The following SORCS1 variants were observed in gnomAD, a reference collection of about 807,000 sequenced individuals.
SORCS1 encodes the protein VPS10 domain-containing receptor SorCS1.
In SORCS1, 60 loss-of-function variants were observed where a neutral mutation model predicts 146.1. The ratio of observed to expected loss-of-function variants is 0.41; its 90% CI spans 0.33 to 0.51. The LOEUF (loss-of-function observed/expected upper bound fraction) is 0.51. Among genes scored for constraint, SORCS1 ranks in the 20% least tolerant of loss-of-function variants. The probability of loss-of-function intolerance (pLI) is 0.21; values close to 1 mark genes in which losing one functional copy is unlikely to be tolerated. For synonymous variants in SORCS1, 637 were observed against 584.0 expected, an observed-to-expected ratio of 1.09 and a Z score of -1.31; for missense variants, 1,352 against 1,487.6, an observed-to-expected ratio of 0.91 and a Z score of 1.50.
At chr10:106,679,218 C>T (rs1222783397) in intron 12 of SORCS1, 38 bp downstream of exon 12, 9 of 1,559,356 alleles carry the variant, frequency 5.8e-6, no homozygotes, top group Non-Finnish European at 7.0e-6. Flanking sequence ...TTTTATGTTA[C>T]TTAAACTTCA....
intron 18 of SORCS1, among the ~76,000 whole-genome samples, chr10:106,640,296 CG>C (rs1848991435): frequency 6.6e-6 from 1 of 152,122 alleles, no homozygotes; most frequent in Non-Finnish European, 1.5e-5. Flanking sequence ...TGTGAAATTA[CG>C]GATCATTGAA....
Position 107,013,134 on chromosome 10 carries a change from TAAAC to T in SORCS1, c.559-56558_559-56555del, listed in dbSNP as rs1238160945. Among the ~76,000 whole-genome samples the T allele has an allele frequency of 2.0e-5, 3 of 152,090 alleles. No individual in the cohort carries two copies. In the East Asian group the frequency reaches 5.8e-4, roughly 29 times the overall value. On this transcript the variant is annotated intron_variant, in intron 1 of 25. Transcript: ENST00000263054. ...TGGTAGCTAATTAATGTTGAATAAA[TAAAC>T]AAATAGAAAGTCTGAACACTGCCCC...
chr10:106,808,176 G>A (rs529947646), intron 3 of SORCS1, among the ~76,000 whole-genome samples: 81 of 152,096 alleles, frequency 5.3e-4, no homozygotes, highest in African/African-American at 1.9e-3. Context: ...GCAGCACCAC[G>A]CCCAGCTAAT....
chr10:106,702,556 T>TA (rs1347088037), intron 8 of SORCS1, among the ~76,000 whole-genome samples: 1 of 152,228 alleles, frequency 6.6e-6, no homozygotes, highest in African/African-American at 2.4e-5. Flanking sequence ...CTAGGTCACT[T>TA]AGAGAACTAA....
chr10:106,652,448 G>A lies in SORCS1; in HGVS notation c.2409C>T (p.Val803=). 6.2e-7 allele frequency: 1 copy of A among 1,614,116 alleles called. No individual in the cohort carries two copies. Among genetic ancestry groups the A allele is most frequent in the Non-Finnish European group, 8.5e-7 (1 of 1,179,998 alleles). ...CCGCTGTCAGCTTTCCATCAGCCGT[G>A]ACTATCCGCAGCCCCCGCGGGGCTT... is the stretch of plus-strand genomic sequence containing the variant. ...PGKAPRGLRI[V]TADGKLTAEQ... The change falls in exon 18 of 26, where the codon GTC becomes GTT. Residue 803 remains valine, a synonymous_variant. Transcript: ENST00000263054.
intron 1 of SORCS1, among the ~76,000 whole-genome samples, chr10:107,140,856 T>C (rs771985271): frequency 3.9e-5 from 6 of 152,206 alleles, no homozygotes; most frequent in African/African-American, 1.4e-4. Flanking sequence ...TTTCATTTTA[T>C]GAATGATGAA....
chr10:106,997,277 ACT>A (rs1042016721), intron 1 of SORCS1, among the ~76,000 whole-genome samples: 4 of 151,864 alleles, frequency 2.6e-5, no homozygotes, highest in African/African-American at 7.3e-5. Context: ...CCTGAGCCAC[ACT>A]CTGTGTGCCT....
chr10:106,610,885 C>T (rs1846935667), intron 22 of SORCS1, among the ~76,000 whole-genome samples: 1 of 152,110 alleles, frequency 6.6e-6, no homozygotes, highest in East Asian at 1.9e-4. Flanking sequence ...TCGAGACCAG[C>T]CTGGCCAACA....
At chr10:107,146,970 C>A (rs541047060) in intron 1 of SORCS1, among the ~76,000 whole-genome samples, 4 of 152,180 alleles carry the variant, frequency 2.6e-5, no homozygotes, top group Non-Finnish European at 5.9e-5. Context: ...CAAATAGTGC[C>A]TGGCACATAG....
At chr10:106,718,853 T>C (rs566772968) in intron 6 of SORCS1, among the ~76,000 whole-genome samples, 11 of 152,228 alleles carry the variant, frequency 7.2e-5, no homozygotes, top group African/African-American at 2.7e-4. Flanking sequence ...CACAGACCGC[T>C]GATGGGTGCG....
chr10:106,934,100 C>CAA (rs57432764), intron 2 of SORCS1, among the ~76,000 whole-genome samples: 44 of 97,556 alleles, frequency 4.5e-4, no homozygotes, highest in South Asian at 3.6e-3. Context: ...TCTCAAAAAA[C>CAA]AAAAAAAAAA....
At chr10:106,750,019 C>T (rs1291082578) in intron 5 of SORCS1, among the ~76,000 whole-genome samples, 1 of 152,104 alleles carries the variant, frequency 6.6e-6, no homozygotes, top group Non-Finnish European at 1.5e-5. Context: ...CATTCAAAAT[C>T]GATGATTGAA....
At chr10:106,802,939 C>A (rs1326706863) in intron 3 of SORCS1, among the ~76,000 whole-genome samples, 1 of 152,130 alleles carries the variant, frequency 6.6e-6, no homozygotes, top group African/African-American at 2.4e-5. Flanking sequence ...CCTGACTTTA[C>A]AGTATTTTTT....
At chr10:106,925,011 C>T (rs1952943524) in intron 2 of SORCS1, among the ~76,000 whole-genome samples, 1 of 151,248 alleles carries the variant, frequency 6.6e-6, no homozygotes, top group African/African-American at 2.4e-5. Context: ...ATATTTACTT[C>T]AAAAATTATT....
chr10:106,675,170 A>G lies in SORCS1; in HGVS notation c.1833-14T>C, dbSNP rs748639952. 1.3e-6 allele frequency: 2 copies of G among 1,578,172 alleles called. No individual in the cohort carries two copies. The highest frequency in any genetic ancestry group is 2.7e-5 in the African/African-American group (2 of 74,122). ...TCAAAACTCAACCTAATGATATAAA[A>G]AATATCAGTCATCAGATCTCCAAAG... On this transcript the variant is annotated splice_polypyrimidine_tract_variant and intron_variant, in intron 13 of 25. Coordinates refer to ENST00000263054, the MANE Select transcript of SORCS1 (RefSeq NM_052918.5).
chr10:106,911,939 C>A, intron 2 of SORCS1, among the ~76,000 whole-genome samples: 1 of 151,888 alleles, frequency 6.6e-6, no homozygotes. Flanking sequence ...GGAGAAACCC[C>A]GTCTCTACTA....
At chr10:106,946,872 C>T (rs1954372711) in intron 2 of SORCS1, among the ~76,000 whole-genome samples, 2 of 152,130 alleles carry the variant, frequency 1.3e-5, no homozygotes, top group Non-Finnish European at 2.9e-5. Flanking sequence ...GCATGGCATA[C>T]AGGTAGGTCT....
intron 1 of SORCS1, among the ~76,000 whole-genome samples, chr10:107,111,102 A>G (rs968364550): frequency 2.6e-5 from 4 of 152,190 alleles, no homozygotes; most frequent in Admixed American, 2.0e-4. Context: ...GTCTGTAAAG[A>G]CTAGAAGCGG....
rs150819644 is a variant in SORCS1 at position 106,588,274 on chromosome 10, T to C, written c.3266-8800A>G. 6.6e-4 allele frequency among the ~76,000 whole-genome samples: 100 copies of C among 152,350 alleles called. 2 individuals carry two copies. The East Asian group carries it at 0.017, about 26-fold the overall frequency. On this transcript the variant is annotated intron_variant, in intron 24 of 25. Coordinates refer to ENST00000263054, the MANE Select transcript of SORCS1 (RefSeq NM_052918.5). ...TTCATTTTCTCCCCCTTCCTCATTG[T>C]CATTTGCCCATTCTGCCAATTAGGT... is the stretch of plus-strand genomic sequence containing the variant.
Sources: gnomAD v4.1 joint callset for allele counts (sites outside exome capture counted in the v4.1 genomes callset) on GRCh38, gnomAD v4.1.1 for gene constraint, MANE v1.5 for transcripts, NCBI Gene and HGNC (gene_info 2026-07-23, HGNC 2026-07-21) for gene names.